The following GSR variants were observed in gnomAD, a reference collection of about 807,000 sequenced individuals.
GSR encodes the protein glutathione-disulfide reductase.
In GSR, 48 loss-of-function variants were observed where a neutral mutation model predicts 56.5. The observed-to-expected ratio is 0.85, with a 90% CI of 0.67 to 1.08. The LOEUF (loss-of-function observed/expected upper bound fraction) is 1.08. Among genes scored for constraint, GSR ranks in the 50% least tolerant of loss-of-function variants. The pLI is 0.00. For missense variants in GSR, 694 were observed against 703.3 expected, an observed-to-expected ratio of 0.99 and a Z score of 0.15; for synonymous variants, 264 against 270.8, an observed-to-expected ratio of 0.97 and a Z score of 0.25.
chr8:30,711,841 CAAT>C (rs1804154061), intron 2 of GSR, among the ~76,000 whole-genome samples: 1 of 151,244 alleles, frequency 6.6e-6, no homozygotes, highest in South Asian at 2.1e-4. Flanking sequence ...CTCAAAAAAA[CAAT>C]AATAATAAAA....
intron 3 of GSR, 134 bp downstream of exon 3, chr8:30,709,680 A>G (rs1804039590): frequency 1.4e-6 from 1 of 702,430 alleles, no homozygotes; most frequent in South Asian, 1.5e-5. Context: ...ATACTTAAAA[A>G]TGGCTAAACT....
intron 9 of GSR, among the ~76,000 whole-genome samples, chr8:30,685,985 C>CAAAA (rs71206274): frequency 0.1 from 3,722 of 37,322 alleles, 399 homozygotes; most frequent in East Asian, 0.21. Context: ...GACTCTGCCT[C>CAAAA]AAAAAAAAAA....
chr8:30,709,907 A>G lies in GSR; in HGVS notation c.334-5T>C, dbSNP rs28641651. ...GACAGCTGTGTTCCACATTACCTGT[A>G]AAAAAAAAAAAAAAAAAGGATCCAA... is the stretch of plus-strand genomic sequence containing the variant. On this transcript the variant is annotated splice_region_variant and splice_polypyrimidine_tract_variant and intron_variant, in intron 2 of 12. Transcript: ENST00000221130. 8 of 184,014 alleles carry G rather than the reference A, an allele frequency of 4.3e-5. No individual in the cohort carries two copies. The highest frequency in any genetic ancestry group is 1.8e-4 in the African/African-American group (6 of 32,950). 11.4% of individuals were successfully genotyped at this position (184,014 alleles called of 1,614,324 possible).
At chr8:30,680,821 C>G in intron 12 of GSR, 83 bp downstream of exon 12, 28 of 1,247,878 alleles carry the variant, frequency 2.2e-5, no homozygotes, top group Non-Finnish European at 3.0e-5. Context: ...ACTGCTTGGT[C>G]TCCCTCCTTT....
chr8:30,704,341 T>C (rs1452763635), intron 4 of GSR, among the ~76,000 whole-genome samples: 1 of 151,978 alleles, frequency 6.6e-6, no homozygotes, highest in Admixed American at 6.6e-5. Context: ...GACTGGTGTG[T>C]CTGGAGGAGA....
intron 12 of GSR, 30 bp downstream of exon 12, chr8:30,680,874 C>T: frequency 6.2e-7 from 1 of 1,605,804 alleles, no homozygotes; most frequent in African/African-American, 1.3e-5. Flanking sequence ...TTTTGCAAGG[C>T]ACTATTTAGT....
In GSR at chr8:30,727,626, G is replaced by A. The variant is rs778720785; in HGVS notation, c.210C>T (p.Ile70=). ...TGGCCAGCCCGCCCGAGCCGCCCCCGATCACCAGGTAGTCATAGGAGGCCA... is the reference window on the plus strand; with the variant it reads ...TGGCCAGCCCGCCCGAGCCGCCCCCAATCACCAGGTAGTCATAGGAGGCCA... ...GAVASYDYLV[I]GGGSGGLASA... Residue 70 remains isoleucine (I), a synonymous_variant, in exon 1 of 13, where the codon ATC becomes ATT. Coordinates refer to ENST00000221130, the MANE Select transcript of GSR (RefSeq NM_000637.5). The A allele has an allele frequency of 6.6e-6, 10 of 1,509,186 alleles. No homozygotes were observed. The highest frequency in any genetic ancestry group is 3.6e-4 in the Middle Eastern group (2 of 5,544). The allele number at this position is 1,509,186 out of a possible 1,614,324, so 93.5% of individuals were successfully genotyped here. A position where few individuals can be genotyped will look rare whatever the true frequency, so the allele number is the denominator to read the frequency against.
intron 4 of GSR, 124 bp downstream of exon 4, chr8:30,707,947 AC>A: frequency 1.7e-6 from 1 of 590,876 alleles, no homozygotes; most frequent in East Asian, 3.2e-5. Context: ...ACAGAGCGAG[AC>A]CCTGTCTCCA....
chr8:30,727,593 G>T lies in GSR; in HGVS notation c.243C>A (p.Arg81=). 1 of 1,528,900 alleles carries T rather than the reference G, an allele frequency of 6.5e-7. No individual in the cohort carries two copies. Among genetic ancestry groups the T allele is most frequent in the Non-Finnish European group, 8.7e-7 (1 of 1,142,918 alleles). The allele number at this position is 1,528,900 out of a possible 1,614,324, so 94.7% of individuals were successfully genotyped here. ...GGGSGGLASA[R]RAAELGARAA... is the part of the protein sequence containing the mutation. ...CCCTGGCACCCAGCTCGGCCGCCCT[G>T]CGCGCGCTGGCCAGCCCGCCCGAGC... The change falls in exon 1 of 13, where the codon CGC becomes CGA. Residue 81 remains arginine, a synonymous_variant. Coordinates refer to ENST00000221130, the MANE Select transcript of GSR (RefSeq NM_000637.5).
At chr8:30,714,779 T>C (rs937775501) in intron 1 of GSR, among the ~76,000 whole-genome samples, 3 of 152,178 alleles carry the variant, frequency 2.0e-5, no homozygotes, top group Admixed American at 6.6e-5. Context: ...GTGATTCTCC[T>C]GCCTCAGCCT....
In GSR at chr8:30,696,415, C is replaced by T; in HGVS notation, c.760G>A (p.Gly254Ser). 6.2e-7 allele frequency: 1 copy of T among 1,612,742 alleles called. No homozygotes were observed. Among genetic ancestry groups the T allele is most frequent in the East Asian group, 2.2e-5 (1 of 44,884 alleles). ...VEMAGILSAL[G>S]SKTSLMIRHD... ...CGTATCATCAGTGATGTCTTAGAAC[C>T]CAGGGCTGACAGGATCCCTGCCATC... is the stretch of plus-strand genomic sequence containing the variant. Residue 254 changes from glycine to serine, a missense_variant, in exon 7 of 13, where the codon GGT becomes AGT. Gly to Ser is a moderately conservative substitution (Grantham distance 56). Coordinates refer to ENST00000221130, the MANE Select transcript of GSR (RefSeq NM_000637.5).
intron 7 of GSR, among the ~76,000 whole-genome samples, chr8:30,693,801 T>C (rs1803466120): frequency 2.0e-5 from 3 of 152,128 alleles, no homozygotes; most frequent in South Asian, 2.1e-4. Context: ...AGTGCTGGGA[T>C]TATAGGTGTG....
intron 1 of GSR, among the ~76,000 whole-genome samples, chr8:30,726,731 G>A (rs1292220194): frequency 6.6e-6 from 1 of 152,090 alleles, no homozygotes; most frequent in Non-Finnish European, 1.5e-5. Context: ...CTGCACTCTA[G>A]CCTAGGTGAC....
chr8:30,700,433 A>G (rs1038643716), intron 5 of GSR, among the ~76,000 whole-genome samples: 1 of 152,098 alleles, frequency 6.6e-6, no homozygotes, highest in Non-Finnish European at 1.5e-5. Context: ...TCCCACCCCA[A>G]GGGCAGGTAG....
chr8:30,727,633 A>C lies in GSR; in HGVS notation c.203T>G (p.Leu68Arg). The change falls in exon 1 of 13, where the codon CTG (leucine) becomes CGG (arginine). Residue 68 changes from leucine to arginine, a missense_variant. By Grantham distance (102) the Leu-to-Arg change is moderately radical. Coordinates refer to ENST00000221130, the MANE Select transcript of GSR (RefSeq NM_000637.5). ...AAGAVASYDY[L>R]VIGGGSGGLA... ...CCCGCCCGAGCCGCCCCCGATCACC[A>C]GGTAGTCATAGGAGGCCACGGCGCC... The C allele has an allele frequency of 6.7e-7, 1 of 1,492,070 alleles. No homozygotes were observed. The allele number at this position is 1,492,070 out of a possible 1,614,324, so 92.4% of individuals were successfully genotyped here.
intron 3 of GSR, among the ~76,000 whole-genome samples, chr8:30,709,001 T>G (rs1804016803): frequency 6.9e-6 from 1 of 144,096 alleles, no homozygotes; most frequent in African/African-American, 2.6e-5. Flanking sequence ...AAAAATTCAC[T>G]AACAAATGAA....
At chr8:30,699,117 C>G (rs975256297) in intron 6 of GSR, among the ~76,000 whole-genome samples, 1 of 152,038 alleles carries the variant, frequency 6.6e-6, no homozygotes, top group Non-Finnish European at 1.5e-5. Flanking sequence ...GAGACCCCAT[C>G]TCTACAAAAA....
chr8:30,693,043 A>G lies in GSR; in HGVS notation c.808T>C (p.Phe270Leu). 6.2e-7 allele frequency: 1 copy of G among 1,607,044 alleles called. No homozygotes were observed. Among genetic ancestry groups the G allele is most frequent in the South Asian group, 1.1e-5 (1 of 90,940 alleles). ...CAGTTGGTGCTGATCATTGAATCAA[A>G]ACTTCTAAGTACCTGCATATCAACA... Reference protein sequence around the residue: ...MIRHDKVLRSFDSMISTNCTE... With the variant: ...MIRHDKVLRSLDSMISTNCTE... Residue 270 changes from phenylalanine (F) to leucine (L), a missense_variant, in exon 8 of 13, where the codon TTT (phenylalanine) becomes CTT (leucine). Physicochemically the swap from Phe to Leu is conservative, Grantham distance 22. Coordinates refer to ENST00000221130, the MANE Select transcript of GSR (RefSeq NM_000637.5).
At chr8:30,697,967 C>T (rs1383891129) in intron 6 of GSR, among the ~76,000 whole-genome samples, 1 of 152,154 alleles carries the variant, frequency 6.6e-6, no homozygotes, top group Non-Finnish European at 1.5e-5. Flanking sequence ...GCTGAGATTA[C>T]AGGCATAAGC....
Sources: allele counts gnomAD v4.1 joint callset (sites outside exome capture counted in the v4.1 genomes callset), GRCh38; gene constraint gnomAD v4.1.1; transcripts MANE v1.5; gene names NCBI Gene and HGNC (gene_info 2026-07-23, HGNC 2026-07-21).